Variants in ANKFN1 observed in about 807,000 individuals in gnomAD.
The protein encoded by ANKFN1 is ankyrin repeat and fibronectin type-III domain-containing protein 1.
In ANKFN1, 74 loss-of-function variants were observed where a neutral mutation model predicts 108.7. The observed-to-expected ratio is 0.68, with a 90% CI of 0.56 to 0.83. The LOEUF (loss-of-function observed/expected upper bound fraction) is 0.83. Among genes scored for constraint, ANKFN1 ranks in the 40% least tolerant of loss-of-function variants. The probability of loss-of-function intolerance (pLI) is 0.00; values close to 1 mark genes in which losing one functional copy is unlikely to be tolerated. For synonymous variants in ANKFN1, 547 were observed against 516.2 expected (o/e 1.06, Z -0.81); for missense variants, 1,505 against 1,382.3 (o/e 1.09, Z -1.41).
intron 6 of ANKFN1, among the ~76,000 whole-genome samples, chr17:56,366,990 A>G (rs1457856051): frequency 6.6e-6 from 1 of 152,352 alleles, no homozygotes; most frequent in East Asian, 1.9e-4. Flanking sequence ...GACCAAGGGT[A>G]CTAAAGGGGA....
chr17:56,152,916 A>G (rs1293303267), upstream of ANKFN1, among the ~76,000 whole-genome samples: 5 of 152,200 alleles, frequency 3.3e-5, no homozygotes, highest in African/African-American at 9.6e-5. Flanking sequence ...TTATATTATC[A>G]TCTCCCCTCC....
chr17:56,401,361 GTAT>G (rs1567974149), intron 8 of ANKFN1, among the ~76,000 whole-genome samples: 38 of 89,770 alleles, frequency 4.2e-4, no homozygotes, highest in South Asian at 8.3e-4. Context: ...GTATTGTATT[GTAT>G]TGTATTGTGT....
Position 56,484,362 on chromosome 17 carries a change from G to GA in ANKFN1, c.2260+1847dup, listed in dbSNP as rs201239215. ...GTTAGGGTAGGAACGAAAATAAGAAGAAAAAAAAAGAAAGAAATACAGATA... is the reference window on the plus strand; with the variant it reads ...GTTAGGGTAGGAACGAAAATAAGAAGAAAAAAAAAAGAAAGAAATACAGATA... On this transcript the variant is annotated intron_variant, in intron 18 of 20. Transcript: ENST00000682825. Among the ~76,000 whole-genome samples the GA allele has an allele frequency of 2.4e-3, 350 of 143,536 alleles. 2 individuals carry two copies. Among genetic ancestry groups the GA allele is most frequent in the African/African-American group, 8.8e-3 (343 of 38,934 alleles). The allele number at this position is 143,536 out of a possible 152,430, so 94.2% of individuals were successfully genotyped here.
intron 1 of ANKFN1, among the ~76,000 whole-genome samples, chr17:56,158,699 A>G (rs1423844829): frequency 6.6e-6 from 1 of 152,206 alleles, no homozygotes; most frequent in Non-Finnish European, 1.5e-5. Flanking sequence ...CTATGCTGAA[A>G]ATAAATGATT....
intron 16 of ANKFN1, 151 bp from the exon 17 acceptor site, chr17:56,480,517 G>T (rs1162364722): frequency 2.6e-6 from 2 of 773,438 alleles, no homozygotes; most frequent in Non-Finnish European, 4.1e-6. Context: ...AGCTCCATTT[G>T]GGTGGCAAAA....
At chr17:56,150,329 G>A (rs1908521275), upstream of ANKFN1, among the ~76,000 whole-genome samples, 1 of 152,166 alleles carries the variant, frequency 6.6e-6, no homozygotes, top group Non-Finnish European at 1.5e-5. Flanking sequence ...AAAAGACGTG[G>A]CAGTCCTGGG....
At chr17:56,096,060 A>T (rs1905526596) in intron 4 of ANKFN1, among the ~76,000 whole-genome samples, 1 of 152,148 alleles carries the variant, frequency 6.6e-6, no homozygotes, top group Non-Finnish European at 1.5e-5. Flanking sequence ...CCATAATAAT[A>T]GTTTACTTGT....
intron 2 of ANKFN1, among the ~76,000 whole-genome samples, chr17:56,223,122 G>A (rs1384133499): frequency 6.6e-6 from 1 of 152,118 alleles, no homozygotes; most frequent in Non-Finnish European, 1.5e-5. Flanking sequence ...TCTAGCATGA[G>A]CTTGTTTTTG....
At chr17:56,422,574 C>T (rs895919126) in intron 8 of ANKFN1, among the ~76,000 whole-genome samples, 1 of 152,128 alleles carries the variant, frequency 6.6e-6, no homozygotes, top group Non-Finnish European at 1.5e-5. Context: ...TATTCAGTAT[C>T]CAATGTTGGC....
chr17:56,149,689 G>A (rs959477776), upstream of ANKFN1, among the ~76,000 whole-genome samples: 1 of 152,204 alleles, frequency 6.6e-6, no homozygotes. Context: ...AAGCCTTGAG[G>A]TTATGCTGGC....
chr17:56,272,142 T>G (rs2043809711), intron 3 of ANKFN1, among the ~76,000 whole-genome samples: 2 of 152,214 alleles, frequency 1.3e-5, no homozygotes, highest in South Asian at 4.1e-4. Context: ...TATTTTTTAT[T>G]ACGGTATAAT....
chr17:56,407,554 T>C (rs1195737135), intron 8 of ANKFN1, among the ~76,000 whole-genome samples: 1 of 152,202 alleles, frequency 6.6e-6, no homozygotes, highest in Non-Finnish European at 1.5e-5. Context: ...TTCAGGCTTT[T>C]ATTGTTCTGT....
intron 4 of ANKFN1, among the ~76,000 whole-genome samples, chr17:56,107,205 G>T (rs1707093131): frequency 6.6e-6 from 1 of 152,188 alleles, no homozygotes; most frequent in Admixed American, 6.5e-5. Context: ...GGCTGGGGCT[G>T]CAGAGCTTGA....
intron 4 of ANKFN1, among the ~76,000 whole-genome samples, chr17:56,077,798 G>A (rs1905198538): frequency 6.6e-6 from 1 of 152,096 alleles, no homozygotes; most frequent in Non-Finnish European, 1.5e-5. Context: ...CAGCCTCTTG[G>A]TGGGAGTTTC....
chr17:56,134,472 C>G (rs1469232186), intron 4 of ANKFN1, among the ~76,000 whole-genome samples: 2 of 152,078 alleles, frequency 1.3e-5, no homozygotes, highest in African/African-American at 4.8e-5. Context: ...ATCCAGGAGC[C>G]CACCAAGAGT....
At chr17:56,475,125 C>T (rs1190627901) in intron 15 of ANKFN1, among the ~76,000 whole-genome samples, 1 of 152,128 alleles carries the variant, frequency 6.6e-6, no homozygotes. Flanking sequence ...GTACTAAGGA[C>T]ACAAAGCAAT....
At chr17:56,445,192 T>C (rs2049243159) in intron 10 of ANKFN1, among the ~76,000 whole-genome samples, 1 of 152,228 alleles carries the variant, frequency 6.6e-6, no homozygotes, top group Non-Finnish European at 1.5e-5. Context: ...GTGTATATTA[T>C]GGGAGTGACA....
At chr17:56,390,797 A>G (rs1457131220) in intron 8 of ANKFN1, among the ~76,000 whole-genome samples, 2 of 152,054 alleles carry the variant, frequency 1.3e-5, no homozygotes, top group Non-Finnish European at 2.9e-5. Flanking sequence ...CTAATGACCA[A>G]CGATGATGAG....
chr17:56,124,183 C>T (rs992192790), intron 4 of ANKFN1, among the ~76,000 whole-genome samples: 3 of 152,160 alleles, frequency 2.0e-5, no homozygotes, highest in Non-Finnish European at 2.9e-5. Context: ...AACAAATTTA[C>T]AAACATTTTG....
Sources: allele counts gnomAD v4.1 joint callset (sites outside exome capture counted in the v4.1 genomes callset), GRCh38; gene constraint gnomAD v4.1.1; transcripts MANE v1.5; gene names NCBI Gene and HGNC (gene_info 2026-07-23, HGNC 2026-07-21).